KIAA1671: variants seen among roughly 807,000 people sequenced by gnomAD.
The protein encoded by KIAA1671 is uncharacterized protein KIAA1671.
KIAA1671 carries 52 observed loss-of-function variants against 131.2 expected under a neutral mutation model. The ratio of observed to expected loss-of-function variants is 0.40; its 90% CI spans 0.32 to 0.50. The LOEUF is 0.50. Among genes scored for constraint, KIAA1671 ranks in the 20% least tolerant of loss-of-function variants. The pLI is 0.73. For synonymous variants in KIAA1671, 1,003 were observed against 961.6 expected (o/e 1.04, Z -0.80); for missense variants, 2,360 against 2,364.2 (o/e 1.00, Z 0.04).
chr22:25,189,040 T>A (rs939319421), intron 11 of KIAA1671, among the ~76,000 whole-genome samples: 5 of 152,092 alleles, frequency 3.3e-5, no homozygotes, highest in Admixed American at 2.6e-4. Context: ...GTCCCAAATC[T>A]GCAGAGTAGA....
At chr22:24,979,334 TTTTATTTA>T (rs1267817088) in intron 1 of KIAA1671, among the ~76,000 whole-genome samples, 54 of 142,578 alleles carry the variant, frequency 3.8e-4, no homozygotes, top group Middle Eastern at 3.7e-3. Flanking sequence ...TAATAATTTA[TTTTATTTA>T]TTTATTTATT....
intron 9 of KIAA1671, among the ~76,000 whole-genome samples, chr22:25,179,045 GGCCC>G (rs1437236208): frequency 6.6e-6 from 1 of 152,214 alleles, no homozygotes; most frequent in Admixed American, 6.5e-5. Flanking sequence ...TCTCTCACAG[GGCCC>G]CCGGGGGACC....
chr22:25,028,124 C>G lies in KIAA1671; in HGVS notation c.125C>G (p.Ala42Gly). The change falls in exon 3 of 13, where the codon GCT (alanine) becomes GGT (glycine). Residue 42 changes from alanine (A) to glycine (G), a missense_variant. Physicochemically the swap from Ala to Gly is moderately conservative, Grantham distance 60 (BLOSUM62 0). Transcript: ENST00000358431. The part of the protein sequence containing the change: ...YFLQAGEASG[A>G]PPARILEAKS... Reference sequence around the variant, plus strand: ...CTCCAGGCCGGCGAAGCCTCTGGGGCTCCCCCAGCCCGGATCTTGGAAGCG... The same window carrying G: ...CTCCAGGCCGGCGAAGCCTCTGGGGGTCCCCCAGCCCGGATCTTGGAAGCG... 3 of 1,551,282 alleles carry G rather than the reference C, an allele frequency of 1.9e-6. No individual in the cohort carries two copies. The highest frequency in any genetic ancestry group is 2.6e-6 in the Non-Finnish European group (3 of 1,146,812).
chr22:25,020,372 G>A (rs1489922221), intron 1 of KIAA1671, among the ~76,000 whole-genome samples: 8 of 152,312 alleles, frequency 5.3e-5, no homozygotes, highest in Admixed American at 1.3e-4. Context: ...GAATATTGCC[G>A]AATTGCTTTT....
rs1602024555 is a variant in KIAA1671 at position 24,956,673 on chromosome 22, T to C, written c.-208+3901T>C. Among the ~76,000 whole-genome samples the C allele has an allele frequency of 4.6e-5, 7 of 152,136 alleles. 1 individual carries two copies. In the South Asian group the frequency reaches 1.5e-3, roughly 32 times the overall value. On this transcript the variant is annotated intron_variant, in intron 1 of 12. Transcript: ENST00000358431. ...CGAGATCAGGAGATCGAGACCATCC[T>C]GGCTAACACGGTGAAACCCCGTGTC...
In KIAA1671 at chr22:25,105,893, C is replaced by T. The variant is rs139671585; in HGVS notation, c.4530+56529C>T. Among the ~76,000 whole-genome samples, 452 of 152,122 alleles carry T rather than the reference C, an allele frequency of 3.0e-3. 4 individuals are homozygous for T. The highest frequency in any genetic ancestry group is 6.8e-3 in the Middle Eastern group (2 of 292). ...TGTTGGTCATTTCACTTCTTTCTGC[C>T]GTGGTTTTTCCATCAGTAAAATGTG... On this transcript the variant is annotated intron_variant, in intron 6 of 12. Transcript: ENST00000358431.
At chr22:25,179,573 C>T (rs1434673078) in intron 9 of KIAA1671, 2 of 1,478,444 alleles carry the variant, frequency 1.4e-6, no homozygotes, top group African/African-American at 1.4e-5. Context: ...GGGAACGGAG[C>T]CGCTTCCCCT....
intron 6 of KIAA1671, among the ~76,000 whole-genome samples, chr22:25,085,604 A>G (rs1181457027): frequency 6.8e-6 from 1 of 147,702 alleles, no homozygotes; most frequent in East Asian, 2.0e-4. Flanking sequence ...GTGGGTCCTC[A>G]TGGCCCTGAC....
chr22:25,060,441 C>G (rs540614764), intron 6 of KIAA1671: 2 of 152,460 alleles, frequency 1.3e-5, no homozygotes, highest in East Asian at 3.9e-4. Context: ...CTCGGCCTCC[C>G]AAAGTGCTGG....
chr22:25,098,837 C>T (rs1163315270), intron 6 of KIAA1671, among the ~76,000 whole-genome samples: 2 of 152,224 alleles, frequency 1.3e-5, no homozygotes, highest in Non-Finnish European at 2.9e-5. Context: ...CCGCCCACCC[C>T]AGCATGGCTC....
At chr22:25,035,831 C>G (rs1174597635) in intron 4 of KIAA1671, among the ~76,000 whole-genome samples, 1 of 152,018 alleles carries the variant, frequency 6.6e-6, no homozygotes, top group East Asian at 1.9e-4. Context: ...GAAATAAACC[C>G]TTGCTTTACA....
In KIAA1671 at chr22:25,136,030, A is replaced by T. The variant is rs1358204280; in HGVS notation, c.4531-34790A>T. Among the ~76,000 whole-genome samples the T allele has an allele frequency of 3.3e-5, 5 of 152,330 alleles. No individual in the cohort carries two copies. The South Asian group carries it at 1.0e-3, about 32-fold the overall frequency. ...GGTCACACAGCTGGCAGGCTACAGA[A>T]TCAGCATTTGAACTAGGGCTTGCAC... On this transcript the variant is annotated intron_variant, in intron 6 of 12. Coordinates refer to ENST00000358431, the MANE Select transcript of KIAA1671 (RefSeq NM_001145206.2).
intron 1 of KIAA1671, among the ~76,000 whole-genome samples, chr22:24,992,090 TTG>T (rs1923871383): frequency 6.6e-6 from 1 of 152,188 alleles, no homozygotes; most frequent in Non-Finnish European, 1.5e-5. Context: ...GACACCGCCC[TTG>T]GCATAACTGG....
intron 1 of KIAA1671, among the ~76,000 whole-genome samples, chr22:24,985,081 T>A (rs1923450657): frequency 6.6e-6 from 1 of 151,866 alleles, no homozygotes; most frequent in Non-Finnish European, 1.5e-5. Flanking sequence ...TCTCTCTGAT[T>A]TTTTGGATAT....
chr22:25,044,431 T>C (rs1237035540), intron 5 of KIAA1671, among the ~76,000 whole-genome samples: 16 of 151,826 alleles, frequency 1.1e-4, no homozygotes, highest in African/African-American at 3.9e-4. Context: ...CCGCTGGTGG[T>C]GGGGGAGTCG....
At chr22:25,123,223 GT>G (rs1932029733) in intron 6 of KIAA1671, among the ~76,000 whole-genome samples, 1 of 117,694 alleles carries the variant, frequency 8.5e-6, no homozygotes, top group African/African-American at 3.4e-5. Flanking sequence ...TTGAGATGGA[GT>G]CTTGCTCTGT....
intron 6 of KIAA1671, among the ~76,000 whole-genome samples, chr22:25,084,281 C>T (rs116597339): frequency 0.024 from 3,671 of 152,090 alleles, 96 homozygotes; most frequent in East Asian, 0.12. Flanking sequence ...TTCGAAACCA[C>T]CTGGCCAACA....
At chr22:25,121,211 C>A (rs1253121490) in intron 6 of KIAA1671, among the ~76,000 whole-genome samples, 1 of 152,044 alleles carries the variant, frequency 6.6e-6, no homozygotes, top group African/African-American at 2.4e-5. Context: ...GCCTGTAGTC[C>A]CAGCACTTTG....
chr22:25,019,231 C>G (rs9608356), intron 1 of KIAA1671, among the ~76,000 whole-genome samples: 29,722 of 152,044 alleles, frequency 0.2, 3,607 homozygotes, highest in South Asian at 0.29. Flanking sequence ...ATCCACAATT[C>G]CAGCCACCCA....
Sources: allele counts gnomAD v4.1 joint callset (sites outside exome capture counted in the v4.1 genomes callset), GRCh38; gene constraint gnomAD v4.1.1; transcripts MANE v1.5; gene names NCBI Gene and HGNC (gene_info 2026-07-23, HGNC 2026-07-21).